The following ADARB2 variants were observed in gnomAD, a reference collection of about 807,000 sequenced individuals.
ADARB2 encodes the protein inactive double-stranded RNA-specific editase B2.
In ADARB2, 25 loss-of-function variants were observed where a neutral mutation model predicts 62.2. The observed-to-expected ratio is 0.40, with a 90% CI of 0.29 to 0.56. ADARB2 has a LOEUF of 0.56. ADARB2 is among the 20% of genes least tolerant of loss of function. The pLI is 0.43. For missense variants in ADARB2, 1,071 were observed against 1,077.4 expected, an observed-to-expected ratio of 0.99 and a Z score of 0.08; for synonymous variants, 572 against 500.8, an observed-to-expected ratio of 1.14 and a Z score of -1.90.
intron 1 of ADARB2, among the ~76,000 whole-genome samples, chr10:1,550,999 C>T (rs948901494): frequency 5.3e-5 from 8 of 152,132 alleles, no homozygotes; most frequent in Middle Eastern, 3.2e-3. Context: ...AAAATTCACA[C>T]GTGGAAACCC....
chr10:1,445,957 G>A (rs750375222), intron 1 of ADARB2, among the ~76,000 whole-genome samples: 3 of 152,136 alleles, frequency 2.0e-5, no homozygotes, highest in Non-Finnish European at 4.4e-5. Flanking sequence ...CTTTTCTTTC[G>A]ATATTATAGT....
intron 6 of ADARB2, 56 bp from the exon 7 acceptor site, chr10:1,217,175 G>A (rs1589154575): frequency 4.1e-6 from 6 of 1,473,340 alleles, no homozygotes; most frequent in Non-Finnish European, 5.5e-6. Context: ...TTGGTTTTGG[G>A]AGGTGGGAGA....
chr10:1,315,041 C>T (rs531393548), intron 3 of ADARB2, among the ~76,000 whole-genome samples: 3 of 152,306 alleles, frequency 2.0e-5, no homozygotes, highest in Admixed American at 6.5e-5. Context: ...TCCAACATGA[C>T]GAAGTAGCGT....
chr10:1,184,737 T>G, intron 9 of ADARB2, 124 bp downstream of exon 9: 1 of 1,107,934 alleles, frequency 9.0e-7, no homozygotes, highest in Non-Finnish European at 1.2e-6. Flanking sequence ...GGACATGTGA[T>G]GGGCGCTGTG....
At position 1,327,736 on chromosome 10, in the gene ADARB2, G is replaced by GGCACAGCGCCTCACT. The variant is rs1263939553; in HGVS notation, c.1077+35277_1077+35291dup. Among the ~76,000 whole-genome samples, 3 of 41,252 alleles carry GGCACAGCGCCTCACT rather than the reference G, an allele frequency of 7.3e-5. 1 individual carries two copies. The highest frequency in any genetic ancestry group is 2.8e-4 in the African/African-American group (3 of 10,714). 27.1% of individuals were successfully genotyped at this position (41,252 alleles called of 152,430 possible). ...CTACCCACAGTTCAGCACCTCCCAC[G>GGCACAGCGCCTCACT]GCACAGCGCCTCACTGCACAGCGCC... On this transcript the variant is annotated intron_variant, in intron 3 of 9. Transcript: ENST00000381312.
intron 1 of ADARB2, among the ~76,000 whole-genome samples, chr10:1,624,980 C>CAT (rs200436322): frequency 0.011 from 1,737 of 151,996 alleles, 22 homozygotes; most frequent in Middle Eastern, 0.031. Context: ...ATAAATTAAA[C>CAT]ATATATATAT....
At chr10:1,326,811 C>G (rs1486968472) in intron 3 of ADARB2, among the ~76,000 whole-genome samples, 1 of 133,090 alleles carries the variant, frequency 7.5e-6, no homozygotes, top group African/African-American at 2.9e-5. Flanking sequence ...CACGGCCCAG[C>G]GCCTCCCCAC....
At chr10:1,545,588 G>A (rs755069876) in intron 1 of ADARB2, among the ~76,000 whole-genome samples, 4 of 152,138 alleles carry the variant, frequency 2.6e-5, no homozygotes, top group Non-Finnish European at 5.9e-5. Flanking sequence ...AGATGGCCTC[G>A]GTTAGCCAGG....
At chr10:1,499,050 C>G (rs1356062140) in intron 1 of ADARB2, among the ~76,000 whole-genome samples, 2 of 148,052 alleles carry the variant, frequency 1.4e-5, no homozygotes, top group Admixed American at 1.3e-4. Flanking sequence ...ACTCATTACT[C>G]GTCATTCACT....
chr10:1,716,257 A>G (rs1835015758), intron 1 of ADARB2, among the ~76,000 whole-genome samples: 1 of 152,254 alleles, frequency 6.6e-6, no homozygotes, highest in African/African-American at 2.4e-5. Flanking sequence ...CCCCAGGCAG[A>G]AAGATGCTTT....
intron 1 of ADARB2, among the ~76,000 whole-genome samples, chr10:1,457,467 A>G (rs1163735353): frequency 6.6e-6 from 1 of 152,210 alleles, no homozygotes; most frequent in Non-Finnish European, 1.5e-5. Context: ...ATTAACCCAC[A>G]CACATAAAAG....
At chr10:1,360,805 G>A (rs941487281) in intron 3 of ADARB2, among the ~76,000 whole-genome samples, 6 of 152,240 alleles carry the variant, frequency 3.9e-5, no homozygotes, top group Admixed American at 3.3e-4. Context: ...TAGCGGCCAT[G>A]GCTCTAACTG....
At position 1,583,779 on chromosome 10, in the gene ADARB2, A is replaced by C. The variant is rs115760852; in HGVS notation, c.100+153272T>G. On this transcript the variant is annotated intron_variant, in intron 1 of 9. Transcript: ENST00000381312. The stretch of plus-strand genomic sequence containing the variant: ...GCAAAAGGCCCAGAGTAGCCAATAC[A>C]ATGCTGAAGGAGAAGCACCAACTGG... Among the ~76,000 whole-genome samples, 1,118 of 152,338 alleles carry C rather than the reference A, an allele frequency of 7.3e-3. 14 individuals are homozygous for C. Among genetic ancestry groups the C allele is most frequent in the African/African-American group, 0.025 (1,041 of 41,570 alleles).
chr10:1,662,310 C>T (rs578170562), intron 1 of ADARB2, among the ~76,000 whole-genome samples: 93 of 152,264 alleles, frequency 6.1e-4, no homozygotes, highest in African/African-American at 1.7e-3. Context: ...CTGGCCCCAG[C>T]GGAGAGGAGA....
intron 1 of ADARB2, among the ~76,000 whole-genome samples, chr10:1,591,137 C>A (rs1343715603): frequency 1.3e-5 from 2 of 152,208 alleles, no homozygotes; most frequent in Non-Finnish European, 2.9e-5. Context: ...TCAACCTTGC[C>A]TGGGCTGGGG....
chr10:1,311,024 A>G (rs571725179), intron 3 of ADARB2, among the ~76,000 whole-genome samples: 1 of 152,362 alleles, frequency 6.6e-6, no homozygotes, highest in South Asian at 2.1e-4. Flanking sequence ...AGATCTGGCT[A>G]TAGGCAAATG....
At chr10:1,611,721 C>T (rs897119791) in intron 1 of ADARB2, among the ~76,000 whole-genome samples, 2 of 152,158 alleles carry the variant, frequency 1.3e-5, no homozygotes, top group Non-Finnish European at 2.9e-5. Flanking sequence ...CCAGAAGTAG[C>T]GGATTCATTT....
chr10:1,390,461 T>C (rs1029541725), intron 1 of ADARB2, among the ~76,000 whole-genome samples: 1 of 152,184 alleles, frequency 6.6e-6, no homozygotes, highest in African/African-American at 2.4e-5. Context: ...TATACTTCCA[T>C]TATTAAAAAC....
At chr10:1,189,724 A>C (rs569786955) in intron 8 of ADARB2, among the ~76,000 whole-genome samples, 3 of 150,852 alleles carry the variant, frequency 2.0e-5, no homozygotes, top group East Asian at 1.9e-4. Context: ...CCCAGAACAC[A>C]TGGCCCTACC....
Sources: gnomAD v4.1 joint callset for allele counts (sites outside exome capture counted in the v4.1 genomes callset) on GRCh38, gnomAD v4.1.1 for gene constraint, MANE v1.5 for transcripts, NCBI Gene and HGNC (gene_info 2026-07-23, HGNC 2026-07-21) for gene names.